Variants in ZNF526 observed in about 807,000 individuals in gnomAD.
The protein encoded by ZNF526 is zinc finger protein 526.
A neutral mutation model predicts 32.4 loss-of-function variants in ZNF526; 16 were observed. The observed-to-expected ratio is 0.49, with a 90% confidence interval of 0.33 to 0.75. ZNF526 has a LOEUF of 0.75. Ranked by LOEUF, ZNF526 falls within the 30% of genes least tolerant of loss-of-function variation. The pLI is 0.02. For missense variants in ZNF526, 838 were observed against 920.7 expected (o/e 0.91, Z 1.16); for synonymous variants, 355 against 363.4 (o/e 0.98, Z 0.26).
In ZNF526 at chr19:42,224,484, G is replaced by A. The variant is rs149913848; in HGVS notation, c.81G>A (p.Ser27=). 1.3e-3 allele frequency: 2,022 copies of A among 1,614,060 alleles called. 2 individuals carry two copies. The highest frequency in any genetic ancestry group is 1.6e-3 in the Non-Finnish European group (1,928 of 1,180,038). ...CAGTGGAGATGTCAACACCTATGTCGGCAGAGATGATGGAGATGTCAACAG... is the reference window on the plus strand; with the variant it reads ...CAGTGGAGATGTCAACACCTATGTCAGCAGAGATGATGGAGATGTCAACAG... ...PGAVEMSTPM[S]AEMMEMSTEV... Residue 27 remains serine, a synonymous_variant, in exon 3 of 3, where the codon TCG becomes TCA. Coordinates refer to ENST00000301215, the MANE Select transcript of ZNF526 (RefSeq NM_133444.3).
In ZNF526 at chr19:42,226,160, C is replaced by T. The variant is rs764628681; in HGVS notation, c.1757C>T (p.Ala586Val). The T allele has an allele frequency of 1.7e-5, 28 of 1,607,388 alleles. No homozygotes were observed. The highest frequency in any genetic ancestry group is 1.0e-4 in the Admixed American group (6 of 60,014). Reference protein sequence around the residue: ...GTCGRWFRAMAGLRLHQRVHA... With the variant: ...GTCGRWFRAMVGLRLHQRVHA... ...TGTGGCCGCTGGTTCCGCGCCATGGCGGGCTTGCGACTGCATCAGCGGGTC... is the reference window on the plus strand; with the variant it reads ...TGTGGCCGCTGGTTCCGCGCCATGGTGGGCTTGCGACTGCATCAGCGGGTC... The change falls in exon 3 of 3, where the codon GCG becomes GTG. Residue 586 changes from alanine to valine, a missense_variant. Ala to Val is a moderately conservative substitution (Grantham distance 64). Coordinates refer to ENST00000301215, the MANE Select transcript of ZNF526 (RefSeq NM_133444.3).
At chr19:42,221,444 G>A (rs150283700) in intron 1 of ZNF526, among the ~76,000 whole-genome samples, 5,292 of 152,098 alleles carry the variant, frequency 0.035, 314 homozygotes, top group African/African-American at 0.12. Context: ...ACCAGCCTGG[G>A]CAACATGATG....
chr19:42,220,498 GGGCGGGAGC>G (rs1284600119), intron 1 of ZNF526, 111 bp downstream of exon 1: 1 of 152,342 alleles, frequency 6.6e-6, no homozygotes. Context: ...GCCTGCGCTA[GGGCGGGAGC>G]GGCGCGGGCT....
Position 42,226,316 on chromosome 19 carries a change from C to T in ZNF526, c.1913C>T (p.Ser638Phe). ...GAGACCATCGCCATCATTGAGACAT[C>T]CCAGCCACTGGCGCTTGAGGACACC... Reference protein sequence around the residue: ...LGETIAIIETSQPLALEDTLQ... With the variant: ...LGETIAIIETFQPLALEDTLQ... The change falls in exon 3 of 3, where the codon TCC becomes TTC. Residue 638 changes from serine to phenylalanine, a missense_variant. Ser to Phe is a radical substitution (Grantham distance 155, BLOSUM62 -2). Transcript: ENST00000301215. 2 of 1,614,200 alleles carry T rather than the reference C, an allele frequency of 1.2e-6. No homozygotes were observed. The highest frequency in any genetic ancestry group is 1.7e-6 in the Non-Finnish European group (2 of 1,180,042).
intron 1 of ZNF526, among the ~76,000 whole-genome samples, chr19:42,222,731 C>T (rs2036135426): frequency 6.6e-6 from 1 of 152,158 alleles, no homozygotes; most frequent in African/African-American, 2.4e-5. Flanking sequence ...TGAGATGCCA[C>T]CCCAAACTCA....
rs367731450 is a variant in ZNF526 at position 42,225,153 on chromosome 19, TGAG to T, written c.755_757del (p.Glu252del). ...AAGAAGATGATGAAGAGATGGAGGA[TGAG>T]GAGGCCATGGCAGAGGTCGGTGATG... On this transcript the variant is annotated inframe_deletion, in exon 3 of 3. Coordinates refer to ENST00000301215, the MANE Select transcript of ZNF526 (RefSeq NM_133444.3). 7,798 of 1,614,042 alleles carry T rather than the reference TGAG, an allele frequency of 4.8e-3. 292 individuals carry two copies. In the African/African-American group the frequency reaches 0.089, roughly 18 times the overall value.
chr19:42,223,844 C>T lies in ZNF526; in HGVS notation c.-108-371C>T, dbSNP rs866753296. Among the ~76,000 whole-genome samples, 10 of 145,766 alleles carry T rather than the reference C, an allele frequency of 6.9e-5. No individual in the cohort carries two copies. The South Asian group carries it at 1.5e-3, about 22-fold the overall frequency. On this transcript the variant is annotated intron_variant, in intron 1 of 2. Coordinates refer to ENST00000301215, the MANE Select transcript of ZNF526 (RefSeq NM_133444.3). ...AAAAAAAAAAAAAAAAAAAAGAGGC[C>T]GGGCTGTTGGCCGGGGTGGTGGCTC...
In ZNF526 at chr19:42,226,253, C is replaced by G. The variant is rs1250714187; in HGVS notation, c.1850C>G (p.Pro617Arg). The change falls in exon 3 of 3, where the codon CCA becomes CGA. Residue 617 changes from proline to arginine, a missense_variant. Coordinates refer to ENST00000301215, the MANE Select transcript of ZNF526 (RefSeq NM_133444.3). ...CCATCTCCTGCCCCACCCCCACCTCCAGAGCCTCAACAGACTATCATGTGC... is the reference window on the plus strand; with the variant it reads ...CCATCTCCTGCCCCACCCCCACCTCGAGAGCCTCAACAGACTATCATGTGC... The part of the protein sequence containing the change: ...RSPSPAPPPP[P>R]EPQQTIMCTE... 6.2e-7 allele frequency: 1 copy of G among 1,613,834 alleles called. No homozygotes were observed. Among genetic ancestry groups the G allele is most frequent in the African/African-American group, 1.3e-5 (1 of 75,070 alleles).
chr19:42,226,769 C>A lies in ZNF526; in HGVS notation c.*353C>A. 1 of 414,790 alleles carries A rather than the reference C, an allele frequency of 2.4e-6. No homozygotes were observed. The highest frequency in any genetic ancestry group is 4.8e-6 in the Non-Finnish European group (1 of 210,390). The allele number at this position is 414,790 out of a possible 1,614,324, so 25.7% of individuals were successfully genotyped here. Reference sequence around the variant, plus strand: ...GCTTATGCCAGGTCTGTGCTGGCCACTCTCATATACCTCTTCAGATCCTCT... The same window carrying A: ...GCTTATGCCAGGTCTGTGCTGGCCAATCTCATATACCTCTTCAGATCCTCT... On this transcript the variant is annotated 3_prime_UTR_variant, in exon 3 of 3. Coordinates refer to ENST00000301215, the MANE Select transcript of ZNF526 (RefSeq NM_133444.3).
In ZNF526 at chr19:42,224,451, A is replaced by G. The variant is rs2036152377; in HGVS notation, c.48A>G (p.Ser16=). The G allele has an allele frequency of 6.2e-7, 1 of 1,614,028 alleles. No individual in the cohort carries two copies. The highest frequency in any genetic ancestry group is 1.3e-5 in the African/African-American group (1 of 74,908). ...TGGCCGAGATGCCAACACAGATGTC[A>G]CCAGGGGCAGTGGAGATGTCAACAC... ...AEVAEMPTQM[S]PGAVEMSTPM... Residue 16 remains serine, a synonymous_variant, in exon 3 of 3, where the codon TCA becomes TCG. Coordinates refer to ENST00000301215, the MANE Select transcript of ZNF526 (RefSeq NM_133444.3).
chr19:42,226,562 C>A lies in ZNF526; in HGVS notation c.*146C>A, dbSNP rs2036184047. Reference sequence around the variant, plus strand: ...GGCCTCTTTTTACCCACTGACTCCCCAGAACAACCCTTCCAGGCTTCTCTT... The same window carrying A: ...GGCCTCTTTTTACCCACTGACTCCCAAGAACAACCCTTCCAGGCTTCTCTT... On this transcript the variant is annotated 3_prime_UTR_variant, in exon 3 of 3. Coordinates refer to ENST00000301215, the MANE Select transcript of ZNF526 (RefSeq NM_133444.3). 1 of 1,009,906 alleles carries A rather than the reference C, an allele frequency of 9.9e-7. No homozygotes were observed. Among genetic ancestry groups the A allele is most frequent in the Non-Finnish European group, 1.5e-6 (1 of 652,002 alleles). 62.6% of individuals were successfully genotyped at this position (1,009,906 alleles called of 1,614,324 possible). A position where few individuals can be genotyped will look rare whatever the true frequency, so the allele number is the denominator to read the frequency against.
Position 42,225,302 on chromosome 19 carries a change from C to T in ZNF526, c.899C>T (p.Ser300Phe). The change falls in exon 3 of 3, where the codon TCT becomes TTT. Residue 300 changes from serine (S) to phenylalanine (F), a missense_variant. Ser to Phe is a radical substitution (Grantham distance 155). Coordinates refer to ENST00000301215, the MANE Select transcript of ZNF526 (RefSeq NM_133444.3). ...CGGCGGACGGCTCACAGCCCGGCAT[C>T]TGCCACCCACCCCTTCCACTGCAGC... Reference protein sequence around the residue: ...QHRRTAHSPASATHPFHCSQC... With the variant: ...QHRRTAHSPAFATHPFHCSQC... The T allele has an allele frequency of 6.2e-7, 1 of 1,612,516 alleles. No individual in the cohort carries two copies. Among genetic ancestry groups the T allele is most frequent in the South Asian group, 1.1e-5 (1 of 91,060 alleles).
At position 42,226,472 on chromosome 19, in the gene ZNF526, T is replaced by G. The variant is rs2036183188; in HGVS notation, c.*56T>G. 5.0e-6 allele frequency: 8 copies of G among 1,611,400 alleles called. No individual in the cohort carries two copies. The highest frequency in any genetic ancestry group is 1.1e-5 in the South Asian group (1 of 90,792). ...GGTTGCAACAGCCAGTGTGGGTACC[T>G]CTGGGGAGAGAGGACCTCCTCTGAC... On this transcript the variant is annotated 3_prime_UTR_variant, in exon 3 of 3. Transcript: ENST00000301215.
rs747480924 is a variant in ZNF526 at position 42,224,787 on chromosome 19, T to C, written c.384T>C (p.Asp128=). Residue 128 remains aspartate (D), a synonymous_variant, in exon 3 of 3, where the codon GAT becomes GAC. Transcript: ENST00000301215. ...LSPGELLAHQ[D]AHLRESANQI... ...CTGGGGAGCTCCTGGCCCACCAGGA[T>C]GCCCACCTCCGAGAGTCTGCAAACC... 1 of 1,613,880 alleles carries C rather than the reference T, an allele frequency of 6.2e-7. No homozygotes were observed. Among genetic ancestry groups the C allele is most frequent in the African/African-American group, 1.3e-5 (1 of 74,912 alleles).
intron 1 of ZNF526, 52 bp from the exon 2 acceptor site, chr19:42,224,161 AAG>A: frequency 4.0e-6 from 2 of 498,238 alleles, no homozygotes; most frequent in Non-Finnish European, 7.3e-6. Context: ...TCTGTCTCAG[AAG>A]AAAAAAAAAA....
rs2036188407 is a variant in ZNF526, at chr19:42,227,055, T to C, written c.*639T>C. The C allele has an allele frequency of 1.1e-5, 2 of 183,646 alleles. No homozygotes were observed. The highest frequency in any genetic ancestry group is 2.6e-5 in the Non-Finnish European group (2 of 76,440). 11.4% of individuals were successfully genotyped at this position (183,646 alleles called of 1,614,324 possible). Reference sequence around the variant, plus strand: ...AAGTACAGATAGCTTGCTCTCTGAGTGTGTCTCATTGATTCATTCAGCCTG... The same window carrying C: ...AAGTACAGATAGCTTGCTCTCTGAGCGTGTCTCATTGATTCATTCAGCCTG... On this transcript the variant is annotated 3_prime_UTR_variant, in exon 3 of 3. Coordinates refer to ENST00000301215, the MANE Select transcript of ZNF526 (RefSeq NM_133444.3).
At position 42,225,168 on chromosome 19, in the gene ZNF526, A is replaced by G; in HGVS notation, c.765A>G (p.Ala255=). 6.2e-7 allele frequency: 1 copy of G among 1,614,214 alleles called. No homozygotes were observed. Among genetic ancestry groups the G allele is most frequent in the Non-Finnish European group, 8.5e-7 (1 of 1,180,016 alleles). ...DEEMEDEEAM[A]EVGDDAVGGD... is the part of the protein sequence containing the mutation. ...AGATGGAGGATGAGGAGGCCATGGC[A>G]GAGGTCGGTGATGATGCTGTGGGAG... Residue 255 remains alanine (A), a synonymous_variant, in exon 3 of 3, where the codon GCA becomes GCG. Transcript: ENST00000301215.
At position 42,224,526 on chromosome 19, in the gene ZNF526, A is replaced by G. The variant is rs993134546; in HGVS notation, c.123A>G (p.Thr41=). Residue 41 remains threonine (T), a synonymous_variant, in exon 3 of 3, where the codon ACA becomes ACG. Coordinates refer to ENST00000301215, the MANE Select transcript of ZNF526 (RefSeq NM_133444.3). ...MEMSTEVTEM[T]PGEALASSLF... ...TGTCAACAGAAGTGACTGAGATGACACCTGGGGAGGCCCTTGCCTCATCCC... is the reference window on the plus strand; with the variant it reads ...TGTCAACAGAAGTGACTGAGATGACGCCTGGGGAGGCCCTTGCCTCATCCC... 1.9e-6 allele frequency: 3 copies of G among 1,614,072 alleles called. No homozygotes were observed. Among genetic ancestry groups the G allele is most frequent in the Non-Finnish European group, 2.5e-6 (3 of 1,180,034 alleles).
Position 42,226,631 on chromosome 19 carries a change from G to A in ZNF526, c.*215G>A, listed in dbSNP as rs1364045493. The A allele has an allele frequency of 9.9e-6, 7 of 710,390 alleles. No homozygotes were observed. Among genetic ancestry groups the A allele is most frequent in the African/African-American group, 3.5e-5 (2 of 56,834 alleles). The allele number at this position is 710,390 out of a possible 1,614,324, so 44.0% of individuals were successfully genotyped here. A position where few individuals can be genotyped will look rare whatever the true frequency, so the allele number is the denominator to read the frequency against. ...AGGGGAAACTGAAGCTCTGAAATGC[G>A]ATGTGATCTGTACCAGGTCACCCAG... On this transcript the variant is annotated 3_prime_UTR_variant, in exon 3 of 3. Coordinates refer to ENST00000301215, the MANE Select transcript of ZNF526 (RefSeq NM_133444.3).
Sources: gnomAD v4.1 joint callset for allele counts (sites outside exome capture counted in the v4.1 genomes callset) on GRCh38, gnomAD v4.1.1 for gene constraint, MANE v1.5 for transcripts, NCBI Gene and HGNC (gene_info 2026-07-23, HGNC 2026-07-21) for gene names.